The following RALGAPA1 variants were observed in gnomAD, a reference collection of about 807,000 sequenced individuals.
RALGAPA1 encodes Ral GTPase activating protein catalytic subunit alpha 1, also known as ral GTPase-activating protein subunit alpha-1.
RALGAPA1 carries 52 observed loss-of-function variants against 269.6 expected under a neutral mutation model. The ratio of observed to expected loss-of-function variants is 0.19; its 90% CI spans 0.15 to 0.24. RALGAPA1 has a LOEUF of 0.24. RALGAPA1 is among the 10% of genes least tolerant of loss of function. The pLI, the probability that RALGAPA1 is intolerant of heterozygous loss-of-function variation, is 1.00. For missense variants in RALGAPA1, 1,917 were observed against 3,013.9 expected, an observed-to-expected ratio of 0.64 and a Z score of 8.52; for synonymous variants, 817 against 1,008.3, an observed-to-expected ratio of 0.81 and a Z score of 3.60.
intron 35 of RALGAPA1, among the ~76,000 whole-genome samples, chr14:35,614,563 A>G (rs2060135549): frequency 6.6e-6 from 1 of 152,134 alleles, no homozygotes; most frequent in African/African-American, 2.4e-5. Context: ...CTGGGGGGAA[A>G]GAAAGGCTGG....
chr14:35,735,027 C>CATA (rs1230476991), intron 12 of RALGAPA1, among the ~76,000 whole-genome samples: 2 of 141,842 alleles, frequency 1.4e-5, no homozygotes, highest in East Asian at 2.0e-4. Context: ...CAAGAATGGC[C>CATA]ATAATAATAA....
chr14:35,601,395 C>G (rs1254144457), intron 36 of RALGAPA1, among the ~76,000 whole-genome samples: 1 of 152,162 alleles, frequency 6.6e-6, no homozygotes, highest in Non-Finnish European at 1.5e-5. Flanking sequence ...GTGTTGGGGG[C>G]ACCTCATTAC....
intron 39 of RALGAPA1, among the ~76,000 whole-genome samples, chr14:35,554,447 C>T (rs1239930027): frequency 6.9e-6 from 1 of 145,636 alleles, no homozygotes; most frequent in Non-Finnish European, 1.5e-5. Context: ...CCCGGGTTCA[C>T]GCCATTCTCC....
At chr14:35,579,427 G>A (rs1362742084) in intron 37 of RALGAPA1, among the ~76,000 whole-genome samples, 1 of 151,878 alleles carries the variant, frequency 6.6e-6, no homozygotes, top group Admixed American at 6.6e-5. Context: ...TCAAGAGATC[G>A]AGACCATCCT....
At position 35,770,979 on chromosome 14, in the gene RALGAPA1, T is replaced by C. The variant is rs528755612; in HGVS notation, c.288A>G (p.Pro96=). The part of the protein sequence containing the change: ...FIFEKILQLL[P]ERIHQRWQFH... ...ACTGCCATCGCTGATGAATTCTTTCTGGAAGAAGTTGTAAAATTTTCTAAA... is the reference window on the plus strand; with the variant it reads ...ACTGCCATCGCTGATGAATTCTTTCCGGAAGAAGTTGTAAAATTTTCTAAA... The change falls in exon 4 of 42, where the codon CCA becomes CCG. Residue 96 remains proline, a synonymous_variant. Coordinates refer to ENST00000680220, the MANE Select transcript of RALGAPA1 (RefSeq NM_001346249.2). 14 of 1,394,170 alleles carry C rather than the reference T, an allele frequency of 1.0e-5. No individual in the cohort carries two copies. In the African/African-American group the frequency reaches 1.9e-4, roughly 19 times the overall value. The allele number at this position is 1,394,170 out of a possible 1,614,324, so 86.4% of individuals were successfully genotyped here. A position where few individuals can be genotyped will look rare whatever the true frequency, so the allele number is the denominator to read the frequency against.
In RALGAPA1 at chr14:35,542,963, G is replaced by A. The variant is rs185358141; in HGVS notation, c.*24-3273C>T. 1.8e-3 allele frequency among the ~76,000 whole-genome samples: 274 copies of A among 152,300 alleles called. 1 individual carries two copies. The highest frequency in any genetic ancestry group is 6.4e-3 in the African/African-American group (268 of 41,576). ...TTTTTATTGTGGTTTCGTTTGTACT[G>A]TTTGGTGACAGGTATGACTGGTTTA... is the stretch of plus-strand genomic sequence containing the variant. On this transcript the variant is annotated intron_variant, in intron 41 of 41. Coordinates refer to ENST00000680220, the MANE Select transcript of RALGAPA1 (RefSeq NM_001346249.2).
At chr14:35,558,793 C>T (rs532170401) in intron 39 of RALGAPA1, among the ~76,000 whole-genome samples, 1 of 152,264 alleles carries the variant, frequency 6.6e-6, no homozygotes, top group South Asian at 2.1e-4. Context: ...TGAATGCTCT[C>T]TGGGCTTCCT....
intron 37 of RALGAPA1, among the ~76,000 whole-genome samples, chr14:35,576,438 T>A (rs2057565285): frequency 6.6e-6 from 1 of 152,204 alleles, no homozygotes; most frequent in African/African-American, 2.4e-5. Context: ...AGGTCTATTG[T>A]TAGCCTGACT....
chr14:35,712,534 G>A (rs1408465600), intron 16 of RALGAPA1, among the ~76,000 whole-genome samples: 1 of 151,588 alleles, frequency 6.6e-6, no homozygotes, highest in African/African-American at 2.4e-5. Context: ...TCTTAGACTG[G>A]AACTTGCTCT....
intron 39 of RALGAPA1, among the ~76,000 whole-genome samples, chr14:35,565,903 C>A (rs1481837708): frequency 1.3e-5 from 2 of 152,002 alleles, no homozygotes; most frequent in Non-Finnish European, 2.9e-5. Context: ...TGGCTGAGGT[C>A]ATGAAATTAA....
At chr14:35,767,442 C>T (rs1432182584) in intron 4 of RALGAPA1, among the ~76,000 whole-genome samples, 1 of 152,152 alleles carries the variant, frequency 6.6e-6, no homozygotes, top group Admixed American at 6.5e-5. Flanking sequence ...AATCCTAGCA[C>T]TTTGGGAGGC....
At chr14:35,620,134 C>T (rs910573917) in intron 35 of RALGAPA1, among the ~76,000 whole-genome samples, 3 of 152,140 alleles carry the variant, frequency 2.0e-5, no homozygotes, top group African/African-American at 7.2e-5. Context: ...AAACCAAATC[C>T]AGCAGCACGT....
At chr14:35,727,115 T>C (rs912696228) in intron 13 of RALGAPA1, among the ~76,000 whole-genome samples, 10 of 151,994 alleles carry the variant, frequency 6.6e-5, no homozygotes, top group Middle Eastern at 3.4e-3. Context: ...AAATTAGGCA[T>C]ATGCTTTGAC....
chr14:35,562,383 AT>A (rs1480795086), intron 39 of RALGAPA1, among the ~76,000 whole-genome samples: 1 of 152,120 alleles, frequency 6.6e-6, no homozygotes, highest in Non-Finnish European at 1.5e-5. Flanking sequence ...TCCCCAAGTC[AT>A]CTGCCACTGC....
chr14:35,645,614 C>T (rs2062377026), intron 31 of RALGAPA1, among the ~76,000 whole-genome samples: 1 of 151,644 alleles, frequency 6.6e-6, no homozygotes, highest in Non-Finnish European at 1.5e-5. Flanking sequence ...GCCTGTAGTC[C>T]CAGCTACTCG....
intron 37 of RALGAPA1, among the ~76,000 whole-genome samples, chr14:35,581,607 A>T (rs1373867071): frequency 1.3e-5 from 2 of 152,202 alleles, no homozygotes; most frequent in Non-Finnish European, 2.9e-5. Flanking sequence ...GTATATACAA[A>T]TAGGCAATAA....
intron 1 of RALGAPA1, among the ~76,000 whole-genome samples, chr14:35,795,349 C>A (rs1410772680): frequency 1.3e-5 from 2 of 151,994 alleles, no homozygotes; most frequent in African/African-American, 4.8e-5. Context: ...CAGTGAGAAT[C>A]CAGGAGACTA....
chr14:35,701,608 A>G (rs1318624757), intron 16 of RALGAPA1, among the ~76,000 whole-genome samples: 2 of 151,978 alleles, frequency 1.3e-5, no homozygotes, highest in Non-Finnish European at 2.9e-5. Flanking sequence ...ATACTCCTTC[A>G]TACTTGAAGT....
chr14:35,779,145 C>A (rs1017256662), intron 1 of RALGAPA1, among the ~76,000 whole-genome samples: 1 of 152,082 alleles, frequency 6.6e-6, no homozygotes, highest in Admixed American at 6.6e-5. Context: ...TATCAAATAT[C>A]AAAATAAAAG....
Sources: gnomAD v4.1 joint callset for allele counts (sites outside exome capture counted in the v4.1 genomes callset) on GRCh38, gnomAD v4.1.1 for gene constraint, MANE v1.5 for transcripts, NCBI Gene and HGNC (gene_info 2026-07-23, HGNC 2026-07-21) for gene names.